GLCCI1: variants seen among roughly 807,000 people sequenced by gnomAD.
GLCCI1 encodes glucocorticoid induced 1, also known as glucocorticoid-induced transcript 1 protein.
Under a neutral mutation model 52.2 loss-of-function variants are expected in GLCCI1, and 24 were observed. That is an observed-to-expected ratio of 0.46 (90% CI 0.33 to 0.65). The LOEUF (loss-of-function observed/expected upper bound fraction) is 0.65. Among genes scored for constraint, GLCCI1 ranks in the 30% least tolerant of loss-of-function variants. The probability of loss-of-function intolerance (pLI) is 0.02; values close to 1 mark genes in which losing one functional copy is unlikely to be tolerated. For synonymous variants in GLCCI1, 310 were observed against 276.5 expected (o/e 1.12, Z -1.20); for missense variants, 704 against 701.5 (o/e 1.00, Z -0.04).
chr7:7,996,581 T>C (rs538595826), intron 1 of GLCCI1, among the ~76,000 whole-genome samples: 1 of 152,320 alleles, frequency 6.6e-6, no homozygotes, highest in East Asian at 1.9e-4. Context: ...AAGGCCTCCT[T>C]CTAAATGTCT....
At chr7:8,015,220 G>A (rs80240058) in intron 2 of GLCCI1, among the ~76,000 whole-genome samples, 2,431 of 152,290 alleles carry the variant, frequency 0.016, 53 homozygotes, top group East Asian at 0.084. Context: ...GGTTAGGGAG[G>A]ACTTTAGTCA....
intron 1 of GLCCI1, among the ~76,000 whole-genome samples, chr7:7,983,127 ATGT>A (rs1780656201): frequency 6.6e-6 from 1 of 152,174 alleles, no homozygotes; most frequent in Non-Finnish European, 1.5e-5. Context: ...AAAGCAAACA[ATGT>A]TAAATGAATC....
Position 7,969,825 on chromosome 7 carries a change from C to G in GLCCI1, c.457+18C>G. ...GTGCAGAGGTAGCGAGCCCAACCCT[C>G]CCGTCCTCCCGGGCTGCGTCTCCCC... is the stretch of plus-strand genomic sequence containing the variant. On this transcript the variant is annotated intron_variant, in intron 1 of 7. Coordinates refer to ENST00000223145, the MANE Select transcript of GLCCI1 (RefSeq NM_138426.4). This position sits in a 1 kb window ranked among gnomAD's most constrained non-coding sequence, Gnocchi z 4.9. The G allele has an allele frequency of 2.1e-6, 3 of 1,425,966 alleles. No individual in the cohort carries two copies. Among genetic ancestry groups the G allele is most frequent in the Non-Finnish European group, 2.8e-6 (3 of 1,088,050 alleles). The allele number at this position is 1,425,966 out of a possible 1,614,324, so 88.3% of individuals were successfully genotyped here.
In GLCCI1 at chr7:8,086,436, C is replaced by T. The variant is rs760050367; in HGVS notation, c.1542C>T (p.Gly514=). ...TSLSDDTSTA[G]SMEASVQQPS... is the part of the protein sequence containing the mutation. The stretch of plus-strand genomic sequence containing the variant: ...TTTCTGATGACACCAGCACAGCGGG[C>T]TCCATGGAGGCCTCTGTCCAGCAGC... Residue 514 remains glycine, a synonymous_variant, in exon 8 of 8, where the codon GGC becomes GGT. Transcript: ENST00000223145. This position sits in a 1 kb window ranked among gnomAD's most constrained non-coding sequence, Gnocchi z 4.4. 8 of 1,614,174 alleles carry T rather than the reference C, an allele frequency of 5.0e-6. No individual in the cohort carries two copies. The Admixed American group carries it at 1.3e-4, about 27-fold the overall frequency.
chr7:8,062,036 C>G (rs779613827), intron 5 of GLCCI1, among the ~76,000 whole-genome samples: 1 of 152,056 alleles, frequency 6.6e-6, no homozygotes, highest in Non-Finnish European at 1.5e-5. Context: ...AACTTTGGAT[C>G]TAATTTTTAG....
At chr7:8,032,037 G>A (rs1045521113) in intron 3 of GLCCI1, among the ~76,000 whole-genome samples, 4 of 152,024 alleles carry the variant, frequency 2.6e-5, no homozygotes, top group Non-Finnish European at 5.9e-5. Flanking sequence ...TAGAGAATCA[G>A]CAAGGTGATA....
chr7:8,003,874 A>G (rs38013), intron 1 of GLCCI1, 34 bp from the exon 2 acceptor site: 690,175 of 1,569,402 alleles, frequency 0.44, 155,355 homozygotes, highest in Middle Eastern at 0.47. Flanking sequence ...TATTTTATTC[A>G]CTAATGACTA....
At chr7:8,067,691 G>T (rs180714637) in intron 5 of GLCCI1, among the ~76,000 whole-genome samples, 1 of 152,322 alleles carries the variant, frequency 6.6e-6, no homozygotes, top group East Asian at 1.9e-4. Flanking sequence ...CTTTTGGCTT[G>T]CCAGATTTCT....
At chr7:7,975,506 ATTCCATAAGACTATGCTG>A (rs1167214316) in intron 1 of GLCCI1, among the ~76,000 whole-genome samples, 2 of 152,200 alleles carry the variant, frequency 1.3e-5, no homozygotes, top group African/African-American at 4.8e-5. Context: ...TCCAGTGTTC[ATTCCATAAGACTATGCTG>A]TTGCTCCTAA....
At chr7:8,031,316 CTCAG>C (rs964300849) in intron 3 of GLCCI1, among the ~76,000 whole-genome samples, 19 of 152,208 alleles carry the variant, frequency 1.2e-4, no homozygotes, top group Admixed American at 9.8e-4. Context: ...ATTGCATGTT[CTCAG>C]TCATTTGTGG....
At chr7:8,003,392 G>GTA (rs1562423648) in intron 1 of GLCCI1, among the ~76,000 whole-genome samples, 11 of 151,466 alleles carry the variant, frequency 7.3e-5, no homozygotes, top group Non-Finnish European at 8.9e-5. Context: ...GGCCATTCAT[G>GTA]TGACGCTTAG....
chr7:8,060,968 A>C (rs1274391988), intron 5 of GLCCI1, among the ~76,000 whole-genome samples: 1 of 152,072 alleles, frequency 6.6e-6, no homozygotes, highest in Admixed American at 6.5e-5. Flanking sequence ...CTGCATCCTC[A>C]CCAACACTTG....
intron 1 of GLCCI1, chr7:7,981,238 A>ATTTC (rs144970801): frequency 6.9e-4 from 176 of 253,598 alleles, no homozygotes; most frequent in African/African-American, 2.0e-3. Context: ...ATCCTCTGTT[A>ATTTC]TTTCTTTCTT....
At chr7:7,974,995 G>T (rs1583937202) in intron 1 of GLCCI1, among the ~76,000 whole-genome samples, 1 of 152,014 alleles carries the variant, frequency 6.6e-6, no homozygotes, top group Admixed American at 6.6e-5. Context: ...CTAACTTCTG[G>T]TTTCTGCCAA....
At chr7:8,074,870 A>G (rs952364854) in intron 6 of GLCCI1, among the ~76,000 whole-genome samples, 3 of 152,096 alleles carry the variant, frequency 2.0e-5, no homozygotes, top group Admixed American at 1.3e-4. Context: ...GAGTACCTAC[A>G]TGTTCTGCAG....
At chr7:8,000,683 T>G (rs1781034560) in intron 1 of GLCCI1, among the ~76,000 whole-genome samples, 1 of 150,196 alleles carries the variant, frequency 6.7e-6, no homozygotes, top group Admixed American at 6.7e-5. Flanking sequence ...GGTCATAATA[T>G]TCAGTATCAT....
At chr7:8,011,783 G>GT (rs1353834968) in intron 2 of GLCCI1, among the ~76,000 whole-genome samples, 1 of 150,534 alleles carries the variant, frequency 6.6e-6, no homozygotes, top group Non-Finnish European at 1.5e-5. Context: ...GGGTCCAGTT[G>GT]TTTTTTCTTG....
intron 6 of GLCCI1, among the ~76,000 whole-genome samples, chr7:8,076,407 C>T (rs1782878112): frequency 1.3e-5 from 2 of 152,126 alleles, no homozygotes; most frequent in South Asian, 4.1e-4. Flanking sequence ...AGGAGTTAGT[C>T]TATAGGTTAA....
At chr7:7,980,555 A>G in intron 1 of GLCCI1, 2 of 544,614 alleles carry the variant, frequency 3.7e-6, no homozygotes, top group Non-Finnish European at 6.6e-6. Context: ...CAAACTGTTG[A>G]TCCTACAGGG....
Sources: gnomAD v4.1 joint callset for allele counts (sites outside exome capture counted in the v4.1 genomes callset) on GRCh38, gnomAD v4.1.1 for gene constraint, Gnocchi (gnomAD v3.1) non-coding constraint, MANE v1.5 for transcripts, NCBI Gene and HGNC (gene_info 2026-07-23, HGNC 2026-07-21) for gene names.